The following PISD variants were observed in gnomAD, a reference collection of about 807,000 sequenced individuals.
The protein encoded by PISD is phosphatidylserine decarboxylase.
In PISD, 31 loss-of-function variants were observed where a neutral mutation model predicts 43.5. The observed-to-expected ratio is 0.71, with a 90% CI of 0.54 to 0.96. The LOEUF (loss-of-function observed/expected upper bound fraction) is 0.96, where lower values mean the gene tolerates loss of function less well. Among genes scored for constraint, PISD ranks in the 40% least tolerant of loss-of-function variants. The probability of loss-of-function intolerance (pLI) is 0.00; values close to 1 mark genes in which losing one functional copy is unlikely to be tolerated. For missense variants in PISD, 523 were observed against 548.4 expected (o/e 0.95, Z 0.46); for synonymous variants, 259 against 228.7 (o/e 1.13, Z -1.20).
chr22:31,633,958 G>A (rs540054964), intron 3 of PISD, among the ~76,000 whole-genome samples: 38 of 151,884 alleles, frequency 2.5e-4, no homozygotes, highest in Non-Finnish European at 4.3e-4. Flanking sequence ...TTATTTCCAC[G>A]CCTCCCACTC....
At position 31,624,001 on chromosome 22, in the gene PISD, C is replaced by T. The variant is rs116405397; in HGVS notation, c.322-2116G>A. The T allele has an allele frequency of 4.7e-4, 319 of 675,010 alleles. 1 individual carries two copies. In the African/African-American group the frequency reaches 5.4e-3, roughly 11 times the overall value. The allele number at this position is 675,010 out of a possible 1,614,324, so 41.8% of individuals were successfully genotyped here. ...TGGGGGTGATGGAGCCCAGCAAGCA[C>T]TGGCTGTGCCCCCTCGTCCCAACCC... On this transcript the variant is annotated intron_variant, in intron 3 of 7. Coordinates refer to ENST00000439502, the MANE Select transcript of PISD (RefSeq NM_001326411.2).
intron 3 of PISD, chr22:31,626,126 C>T (rs2072895841): frequency 9.6e-7 from 1 of 1,046,906 alleles, no homozygotes; most frequent in Non-Finnish European, 1.3e-6. Flanking sequence ...CCAGTCCTGG[C>T]CACCTGCTCT....
intron 3 of PISD, among the ~76,000 whole-genome samples, chr22:31,640,638 T>C (rs534471610): frequency 7.0e-4 from 80 of 114,532 alleles, no homozygotes; most frequent in African/African-American, 2.5e-3. Flanking sequence ...TGGAGTACAA[T>C]GGCACGATCT....
At chr22:31,635,648 C>T (rs776005467) in intron 3 of PISD, among the ~76,000 whole-genome samples, 1 of 152,160 alleles carries the variant, frequency 6.6e-6, no homozygotes, top group Non-Finnish European at 1.5e-5. Context: ...ACACACTGAC[C>T]GCTCAAAGCC....
intron 3 of PISD, among the ~76,000 whole-genome samples, chr22:31,647,824 A>G (rs759832336): frequency 9.9e-5 from 15 of 152,218 alleles, no homozygotes; most frequent in African/African-American, 2.2e-4. Flanking sequence ...AACAGCCAGG[A>G]TGTCAGCACC....
rs190986802 is a variant in PISD, at chr22:31,662,113, G to A, written c.65+31C>T. The A allele has an allele frequency of 1.4e-4, 220 of 1,593,498 alleles. No homozygotes were observed. In the East Asian group the frequency reaches 3.2e-3, roughly 23 times the overall value. On this transcript the variant is annotated intron_variant, in intron 1 of 7. Transcript: ENST00000439502. Reference sequence around the variant, plus strand: ...CCCAGCTTGGTCCAGGTTGCCCCACGCCCCAAGGTAGTCTCTCCGCGCTGC... The same window carrying A: ...CCCAGCTTGGTCCAGGTTGCCCCACACCCCAAGGTAGTCTCTCCGCGCTGC...
At chr22:31,640,575 G>GTTTTTTTTTT (rs759964791) in intron 3 of PISD, among the ~76,000 whole-genome samples, 22 of 91,254 alleles carry the variant, frequency 2.4e-4, no homozygotes, top group Admixed American at 5.3e-4. Flanking sequence ...CGGTTTGGTT[G>GTTTTTTTTTT]TTTTTTTTTT....
chr22:31,638,422 G>C (rs905707958), intron 3 of PISD: 4 of 984,844 alleles, frequency 4.1e-6, no homozygotes, highest in Non-Finnish European at 4.8e-6. Flanking sequence ...GGTCTGTGGA[G>C]GGGCGAGGAA....
At chr22:31,655,076 C>CAAAAA (rs1038608958) in intron 1 of PISD, among the ~76,000 whole-genome samples, 5 of 57,110 alleles carry the variant, frequency 8.8e-5, no homozygotes, top group Non-Finnish European at 1.7e-4. Flanking sequence ...ACTCTATCTC[C>CAAAAA]AAAAAAAAAA....
chr22:31,645,602 T>A (rs1370285896), intron 3 of PISD, among the ~76,000 whole-genome samples: 1 of 143,868 alleles, frequency 7.0e-6, no homozygotes, highest in Admixed American at 6.8e-5. Context: ...TGTCTCGAAC[T>A]CCTGACCTCA....
At chr22:31,628,109 C>T in intron 3 of PISD, 1 of 985,550 alleles carries the variant, frequency 1.0e-6, no homozygotes, top group Non-Finnish European at 1.2e-6. Context: ...GGTGTCAGTG[C>T]CTCCATATCA....
intron 1 of PISD, among the ~76,000 whole-genome samples, chr22:31,655,228 T>G (rs1043241523): frequency 2.6e-5 from 4 of 151,928 alleles, no homozygotes; most frequent in Non-Finnish European, 5.9e-5. Context: ...TGCTGGAGTT[T>G]ATCTGTTACA....
At chr22:31,623,643 C>G in intron 3 of PISD, 1 of 1,579,368 alleles carries the variant, frequency 6.3e-7, no homozygotes, top group Non-Finnish European at 8.6e-7. Context: ...CAGGCCTGCC[C>G]GGAAGGGAGG....
intron 3 of PISD, chr22:31,632,280 G>T: frequency 1.0e-6 from 1 of 982,236 alleles, no homozygotes; most frequent in Non-Finnish European, 1.2e-6. Context: ...GGATTTCCAT[G>T]TTCTTCCATA....
chr22:31,648,054 C>G, intron 3 of PISD, 47 bp downstream of exon 3: 1 of 1,518,598 alleles, frequency 6.6e-7, no homozygotes. Context: ...AAGTGACAGA[C>G]AAAGTTTGCT....
chr22:31,623,949 ACC>A (rs1456108637), intron 3 of PISD: 1 of 1,155,164 alleles, frequency 8.7e-7, no homozygotes, highest in Non-Finnish European at 1.2e-6. Context: ...CCTCCTGTCT[ACC>A]CACCCTTGGC....
In PISD at chr22:31,658,845, TTTTC is replaced by T. The variant is rs555162922; in HGVS notation, c.65+3295_65+3298del. On this transcript the variant is annotated intron_variant, in intron 1 of 7. Transcript: ENST00000439502. ...ACCACACCTGGCCAGTTGCACTATT[TTTTC>T]TTTTTCTTTTTTTTTTTTTTTTGAG... is the stretch of plus-strand genomic sequence containing the variant. Among the ~76,000 whole-genome samples, 30 of 147,678 alleles carry T rather than the reference TTTTC, an allele frequency of 2.0e-4. No individual in the cohort carries two copies. In the South Asian group the frequency reaches 5.3e-3, roughly 26 times the overall value.
upstream of PISD, chr22:31,662,394 T>C: frequency 1.6e-6 from 1 of 621,470 alleles, no homozygotes; most frequent in Non-Finnish European, 2.9e-6. Context: ...GGGGAACTAG[T>C]GGAGCTGTAG....
rs767277589 is a variant in PISD, at chr22:31,620,546, T to G, written c.1005+7A>C. On this transcript the variant is annotated splice_region_variant and intron_variant, in intron 7 of 7. Transcript: ENST00000439502. ...TTGGGCTTTGGCAGGGCCTAGATCC[T>G]GCTTACCCGGTCAAAGTAGATGCGA... The G allele has an allele frequency of 6.2e-7, 1 of 1,614,126 alleles. No homozygotes were observed. The highest frequency in any genetic ancestry group is 1.7e-5 in the Admixed American group (1 of 60,028).
Sources: gnomAD v4.1 joint callset for allele counts (sites outside exome capture counted in the v4.1 genomes callset) on GRCh38, gnomAD v4.1.1 for gene constraint, MANE v1.5 for transcripts, NCBI Gene and HGNC (gene_info 2026-07-23, HGNC 2026-07-21) for gene names.